HECW2: variants seen among roughly 807,000 people sequenced by gnomAD.
The protein encoded by HECW2 is E3 ubiquitin-protein ligase HECW2.
HECW2 carries 61 observed loss-of-function variants against 175.2 expected under a neutral mutation model. The observed-to-expected ratio is 0.35, with a 90% CI of 0.28 to 0.43. The LOEUF (loss-of-function observed/expected upper bound fraction) is 0.43, where lower values mean the gene tolerates loss of function less well. Ranked by LOEUF, HECW2 falls within the 20% of genes least tolerant of loss-of-function variation. The probability of loss-of-function intolerance (pLI) is 1.00; values close to 1 mark genes in which losing one functional copy is unlikely to be tolerated. For synonymous variants in HECW2, 671 were observed against 731.0 expected, an observed-to-expected ratio of 0.92 and a Z score of 1.32; for missense variants, 1,524 against 2,000.5, an observed-to-expected ratio of 0.76 and a Z score of 4.54.
chr2:196,590,882 G>A (rs1691166533), intron 1 of HECW2, among the ~76,000 whole-genome samples: 1 of 152,194 alleles, frequency 6.6e-6, no homozygotes, highest in Admixed American at 6.5e-5. Flanking sequence ...AACAGAACCA[G>A]TGCTTACTTT....
At chr2:196,410,786 T>A (rs1188142606) in intron 2 of HECW2, among the ~76,000 whole-genome samples, 1 of 152,166 alleles carries the variant, frequency 6.6e-6, no homozygotes. Flanking sequence ...CAACACATTT[T>A]TATTGAACTT....
At chr2:196,504,540 C>T (rs961323835) in intron 1 of HECW2, among the ~76,000 whole-genome samples, 7 of 152,122 alleles carry the variant, frequency 4.6e-5, no homozygotes, top group African/African-American at 1.4e-4. Context: ...TATCTATCCA[C>T]CATGCAAATG....
At chr2:196,388,146 T>TTA (rs1248672620) in intron 2 of HECW2, among the ~76,000 whole-genome samples, 3 of 151,776 alleles carry the variant, frequency 2.0e-5, no homozygotes, top group South Asian at 2.1e-4. Context: ...AAAAAATTTT[T>TTA]AATTATCCAG....
intron 14 of HECW2, 102 bp downstream of exon 14, chr2:196,292,463 C>T (rs1690636651): frequency 4.2e-6 from 4 of 962,042 alleles, no homozygotes; most frequent in Non-Finnish European, 6.3e-6. Flanking sequence ...TGTTTCACCT[C>T]ACAAAGAGCC....
chr2:196,547,078 G>A (rs73051101), intron 1 of HECW2, among the ~76,000 whole-genome samples: 12,343 of 152,206 alleles, frequency 0.081, 645 homozygotes, highest in South Asian at 0.15. Flanking sequence ...GATGGCTACT[G>A]TCTCTTAAAG....
intron 6 of HECW2, 79 bp from the exon 7 acceptor site, chr2:196,322,699 T>C: frequency 1.5e-6 from 2 of 1,298,238 alleles, no homozygotes; most frequent in Admixed American, 2.0e-5. Context: ...GTATAGGAAA[T>C]GGTATCTCTT....
At chr2:196,231,886 G>T (rs532069261) in intron 21 of HECW2, among the ~76,000 whole-genome samples, 26 of 151,954 alleles carry the variant, frequency 1.7e-4, no homozygotes, top group Admixed American at 4.6e-4. Flanking sequence ...CTACTTGGGA[G>T]GCTGAGGCAG....
intron 1 of HECW2, among the ~76,000 whole-genome samples, chr2:196,539,000 G>T (rs534739718): frequency 2.6e-5 from 4 of 152,186 alleles, no homozygotes; most frequent in Non-Finnish European, 4.4e-5. Context: ...GAGAAGTGGT[G>T]GTCTGAAAGG....
At position 196,319,230 on chromosome 2, in the gene HECW2, G is replaced by C; in HGVS notation, c.1660C>G (p.Pro554Ala). The change falls in exon 9 of 29, where the codon CCA becomes GCA. Residue 554 changes from proline (P) to alanine (A), a missense_variant. Pro to Ala is a conservative substitution (Grantham distance 27). Coordinates refer to ENST00000644978, the MANE Select transcript of HECW2 (RefSeq NM_001348768.2). Reference sequence around the variant, plus strand: ...TGGTCAGCACTGGGTTGAGGCTCTGGGCCGCCTTCACCTTCCTCTGGGGCT... The same window carrying C: ...TGGTCAGCACTGGGTTGAGGCTCTGCGCCGCCTTCACCTTCCTCTGGGGCT... ...GPAPEEGEGG[P>A]EPQPSADQGS... The C allele has an allele frequency of 6.3e-7, 1 of 1,597,310 alleles. No individual in the cohort carries two copies. The highest frequency in any genetic ancestry group is 8.5e-7 in the Non-Finnish European group (1 of 1,172,232).
In HECW2 at chr2:196,367,999, T is replaced by C. The variant is rs554954385; in HGVS notation, c.293-24235A>G. Among the ~76,000 whole-genome samples, 3 of 152,154 alleles carry C rather than the reference T, an allele frequency of 2.0e-5. No homozygotes were observed. In the East Asian group the frequency reaches 5.8e-4, roughly 29 times the overall value. On this transcript the variant is annotated intron_variant, in intron 2 of 28. Transcript: ENST00000644978. ...TACATATATATGATACATATATATA[T>C]ATCACATTTTCTTTTTCCATTCGTC...
chr2:196,580,220 C>T (rs1476858137), intron 1 of HECW2, among the ~76,000 whole-genome samples: 3 of 151,472 alleles, frequency 2.0e-5, no homozygotes, highest in African/African-American at 7.3e-5. Context: ...AAATGGACAA[C>T]AATAGTCAGA....
At chr2:196,405,947 C>A (rs1162474609) in intron 2 of HECW2, among the ~76,000 whole-genome samples, 1 of 152,134 alleles carries the variant, frequency 6.6e-6, no homozygotes, top group African/African-American at 2.4e-5. Context: ...CACTGCTTGA[C>A]CTCCCTCCTA....
intron 7 of HECW2, among the ~76,000 whole-genome samples, chr2:196,321,388 TC>T (rs1691934754): frequency 2.2e-5 from 1 of 45,370 alleles, no homozygotes; most frequent in Non-Finnish European, 5.9e-5. Context: ...ATTCTTTTTC[TC>T]TCTTTTTTTT....
intron 3 of HECW2, among the ~76,000 whole-genome samples, chr2:196,337,577 AT>A (rs11305831): frequency 0.56 from 72,912 of 130,260 alleles, 20,515 homozygotes; most frequent in East Asian, 0.82. Context: ...ATAAAAAAAT[AT>A]ATATATATAA....
At chr2:196,223,067 C>A (rs945325107) in intron 23 of HECW2, among the ~76,000 whole-genome samples, 4 of 152,082 alleles carry the variant, frequency 2.6e-5, no homozygotes, top group Non-Finnish European at 5.9e-5. Context: ...TTTTAAGGGT[C>A]ATTTTTTTTC....
chr2:196,352,317 T>C (rs1693198806), intron 2 of HECW2, among the ~76,000 whole-genome samples: 1 of 152,084 alleles, frequency 6.6e-6, no homozygotes. Context: ...TGCCCGAGAA[T>C]GCAGAAATGG....
intron 1 of HECW2, among the ~76,000 whole-genome samples, chr2:196,489,715 C>T (rs1226608300): frequency 6.6e-6 from 1 of 152,096 alleles, no homozygotes; most frequent in Non-Finnish European, 1.5e-5. Flanking sequence ...AAGGAAATAA[C>T]CCAAAGAGAA....
intron 1 of HECW2, among the ~76,000 whole-genome samples, chr2:196,445,607 T>C (rs1227499827): frequency 6.6e-6 from 1 of 152,076 alleles, no homozygotes; most frequent in Non-Finnish European, 1.5e-5. Flanking sequence ...TCAAGCTACA[T>C]GAAAGAAATA....
At chr2:196,358,634 C>T (rs1044077109) in intron 2 of HECW2, among the ~76,000 whole-genome samples, 11 of 142,398 alleles carry the variant, frequency 7.7e-5, no homozygotes, top group Non-Finnish European at 1.7e-4. Flanking sequence ...CTATTTATTC[C>T]TTCTTTTAAA....
Sources: allele counts gnomAD v4.1 joint callset (sites outside exome capture counted in the v4.1 genomes callset), GRCh38; gene constraint gnomAD v4.1.1; transcripts MANE v1.5; gene names NCBI Gene and HGNC (gene_info 2026-07-23, HGNC 2026-07-21).